The following SERINC5 variants were observed in gnomAD, a reference collection of about 807,000 sequenced individuals.
SERINC5 encodes serine incorporator 5, also known as chromosome 5 open reading frame 12.
Under a neutral mutation model 63.1 loss-of-function variants are expected in SERINC5, and 41 were observed. The ratio of observed to expected loss-of-function variants is 0.65; its 90% confidence interval spans 0.51 to 0.84. SERINC5 has a LOEUF of 0.84. Among genes scored for constraint, SERINC5 ranks in the 40% least tolerant of loss-of-function variants. The probability of loss-of-function intolerance (pLI) is 0.00; values close to 1 mark genes in which losing one functional copy is unlikely to be tolerated. For synonymous variants in SERINC5, 222 were observed against 215.2 expected (o/e 1.03, Z -0.28); for missense variants, 523 against 573.0 (o/e 0.91, Z 0.89).
At chr5:80,191,663 TAAA>T (rs72458092) in intron 2 of SERINC5, among the ~76,000 whole-genome samples, 1 of 117,210 alleles carries the variant, frequency 8.5e-6, no homozygotes, top group African/African-American at 3.1e-5. Context: ...GCCCTGTCTC[TAAA>T]AAAAAAAAAA....
intron 1 of SERINC5, among the ~76,000 whole-genome samples, chr5:80,209,179 G>A (rs1048006906): frequency 6.6e-6 from 1 of 152,210 alleles, no homozygotes; most frequent in African/African-American, 2.4e-5. Context: ...TCTGAGGCAC[G>A]AGAATCGCTT....
chr5:80,226,941 GC>G (rs1251049903), intron 1 of SERINC5, among the ~76,000 whole-genome samples: 1 of 152,074 alleles, frequency 6.6e-6, no homozygotes, highest in Non-Finnish European at 1.5e-5. Flanking sequence ...GTTGCCCAGA[GC>G]TGGAGTGCAG....
At chr5:80,208,288 G>A (rs764279648) in intron 1 of SERINC5, among the ~76,000 whole-genome samples, 9 of 151,846 alleles carry the variant, frequency 5.9e-5, no homozygotes, top group Non-Finnish European at 1.2e-4. Context: ...TGATAATGGG[G>A]GAGGCCGTGC....
At position 80,221,616 on chromosome 5, in the gene SERINC5, C is replaced by T. The variant is rs543345569; in HGVS notation, c.28-18563G>A. On this transcript the variant is annotated intron_variant, in intron 1 of 11. Coordinates refer to ENST00000507668, the MANE Select transcript of SERINC5 (RefSeq NM_001174072.3). Reference sequence around the variant, plus strand: ...TGTTTTCAAGGTTTAACATTAAGCACGAATTTCATAAGTTTTTTAAATGAA... The same window carrying T: ...TGTTTTCAAGGTTTAACATTAAGCATGAATTTCATAAGTTTTTTAAATGAA... Among the ~76,000 whole-genome samples, 8 of 151,920 alleles carry T rather than the reference C, an allele frequency of 5.3e-5. No homozygotes were observed. In the South Asian group the frequency reaches 1.5e-3, roughly 28 times the overall value.
intron 1 of SERINC5, among the ~76,000 whole-genome samples, chr5:80,242,261 G>T (rs1344485377): frequency 6.6e-6 from 1 of 152,192 alleles, no homozygotes; most frequent in Non-Finnish European, 1.5e-5. Context: ...AGACAGATTA[G>T]TTGAAAGCCA....
chr5:80,172,396 T>C, intron 5 of SERINC5, among the ~76,000 whole-genome samples: 1 of 152,140 alleles, frequency 6.6e-6, no homozygotes, highest in Non-Finnish European at 1.5e-5. Context: ...ACAGGGAGAA[T>C]GAATTGAATG....
chr5:80,224,696 G>A (rs910099920), intron 1 of SERINC5, among the ~76,000 whole-genome samples: 3 of 151,482 alleles, frequency 2.0e-5, no homozygotes, highest in Non-Finnish European at 2.9e-5. Context: ...GTGTGATCTC[G>A]GCTCACTGCA....
At chr5:80,212,660 T>TG (rs957807414) in intron 1 of SERINC5, among the ~76,000 whole-genome samples, 7 of 66,964 alleles carry the variant, frequency 1.0e-4, no homozygotes, top group African/African-American at 1.3e-4. Flanking sequence ...AGGGCAGTGG[T>TG]GGGGTGGGGG....
At chr5:80,133,877 G>A (rs1217903637), downstream of SERINC5, among the ~76,000 whole-genome samples, 3 of 152,212 alleles carry the variant, frequency 2.0e-5, no homozygotes, top group Admixed American at 2.0e-4. Context: ...GGTTAGGTCA[G>A]AGATGAAATC....
intron 1 of SERINC5, among the ~76,000 whole-genome samples, chr5:80,235,083 T>TC (rs1751624571): frequency 6.6e-6 from 1 of 152,174 alleles, no homozygotes; most frequent in Non-Finnish European, 1.5e-5. Context: ...ACACAAGTTC[T>TC]CCCTCCTACC....
chr5:80,151,695 T>A (rs1746191762), intron 8 of SERINC5, among the ~76,000 whole-genome samples: 1 of 152,104 alleles, frequency 6.6e-6, no homozygotes. Flanking sequence ...ATACAATACT[T>A]AGGGTTCCAG....
chr5:80,214,792 G>A (rs756206036), intron 1 of SERINC5, among the ~76,000 whole-genome samples: 1 of 152,148 alleles, frequency 6.6e-6, no homozygotes, highest in Non-Finnish European at 1.5e-5. Context: ...AGCTACTTGG[G>A]AGGCTGAGGC....
chr5:80,146,351 C>T (rs1745826012), intron 10 of SERINC5, 117 bp from the exon 11 acceptor site: 1 of 1,224,568 alleles, frequency 8.2e-7, no homozygotes, highest in African/African-American at 1.5e-5. Flanking sequence ...AGAAAGCCAT[C>T]TGTACCCTCT....
At position 80,146,191 on chromosome 5, in the gene SERINC5, A is replaced by T. The variant is rs1244285880; in HGVS notation, c.1137T>A (p.Ile379=). ...AGACGGTGCCTTTCTTCTCGTCATA[A>T]ATGACCCGTGGTCCCTCCTTCCCCG... The part of the protein sequence containing the change: ...QQPGKEGPRV[I]YDEKKGTVYI... Residue 379 remains isoleucine (I), a synonymous_variant, in exon 11 of 12, where the codon ATT becomes ATA. Transcript: ENST00000507668. 1.9e-6 allele frequency: 3 copies of T among 1,613,990 alleles called. No homozygotes were observed. In the African/African-American group the frequency reaches 4.0e-5, roughly 22 times the overall value.
intron 1 of SERINC5, among the ~76,000 whole-genome samples, chr5:80,238,413 A>T (rs191869680): frequency 3.5e-4 from 53 of 152,278 alleles, no homozygotes; most frequent in Admixed American, 2.2e-3. Context: ...AATAACTTAA[A>T]CAACTGCTTG....
At chr5:80,232,394 A>G (rs1751488094) in intron 1 of SERINC5, among the ~76,000 whole-genome samples, 1 of 140,426 alleles carries the variant, frequency 7.1e-6, no homozygotes, top group Non-Finnish European at 1.5e-5. Context: ...ACAGAGTGAG[A>G]CTCTGTCTCA....
At chr5:80,144,018 T>C (rs1468618409) in intron 11 of SERINC5, 3 of 566,646 alleles carry the variant, frequency 5.3e-6, no homozygotes, top group African/African-American at 1.9e-5. Flanking sequence ...CCCTTCCCCA[T>C]GGCCCCCTCA....
chr5:80,185,952 C>T (rs1339429493), intron 2 of SERINC5, among the ~76,000 whole-genome samples: 2 of 151,866 alleles, frequency 1.3e-5, no homozygotes, highest in African/African-American at 2.4e-5. Context: ...AGAGGCCTGA[C>T]ATTATATAAA....
At chr5:80,169,829 GAAT>G (rs1464148880) in intron 5 of SERINC5, among the ~76,000 whole-genome samples, 1 of 152,138 alleles carries the variant, frequency 6.6e-6, no homozygotes, top group African/African-American at 2.4e-5. Context: ...TCATTAAAAT[GAAT>G]AATGTCAACC....
Sources: gnomAD v4.1 joint callset for allele counts (sites outside exome capture counted in the v4.1 genomes callset) on GRCh38, gnomAD v4.1.1 for gene constraint, MANE v1.5 for transcripts, NCBI Gene and HGNC (gene_info 2026-07-23, HGNC 2026-07-21) for gene names.